ROBO2: variants seen among roughly 807,000 people sequenced by gnomAD.
ROBO2 encodes roundabout homolog 2.
Under a neutral mutation model 160.8 loss-of-function variants are expected in ROBO2, and 53 were observed. That is an observed-to-expected ratio of 0.33 (90% CI 0.26 to 0.41). ROBO2 has a LOEUF of 0.41. ROBO2 is among the 10% of genes least tolerant of loss of function. The pLI, the probability that ROBO2 is intolerant of heterozygous loss-of-function variation, is 1.00. For synonymous variants in ROBO2, 664 were observed against 611.7 expected, an observed-to-expected ratio of 1.09 and a Z score of -1.26; for missense variants, 1,577 against 1,722.4, an observed-to-expected ratio of 0.92 and a Z score of 1.49.
At chr3:76,120,707 G>A (rs2070715719) in intron 2 of ROBO2, among the ~76,000 whole-genome samples, 1 of 152,134 alleles carries the variant, frequency 6.6e-6, no homozygotes, top group African/African-American at 2.4e-5. Flanking sequence ...CTATTATTCA[G>A]TAATGCAATT....
intron 2 of ROBO2, among the ~76,000 whole-genome samples, chr3:76,385,654 TCA>T (rs927588828): frequency 2.0e-5 from 3 of 152,222 alleles, no homozygotes; most frequent in African/African-American, 7.2e-5. Flanking sequence ...GCTCTGAAAA[TCA>T]CACAGTCCAC....
intron 2 of ROBO2, among the ~76,000 whole-genome samples, chr3:76,555,424 G>GA (rs762888617): frequency 0.038 from 2,806 of 73,762 alleles, 198 homozygotes; most frequent in East Asian, 0.051. Context: ...GAAGAAAGAA[G>GA]GAGAAGGGGA....
chr3:77,648,890 G>T (rs1559804934), exon 26 of ROBO2: 1 of 152,160 alleles, frequency 6.6e-6, no homozygotes, highest in Non-Finnish European at 1.5e-5. Flanking sequence ...AGGAAATCTG[G>T]GTGGGAGAGA....
intron 2 of ROBO2, among the ~76,000 whole-genome samples, chr3:76,693,660 C>G (rs553352147): frequency 6.6e-6 from 1 of 151,980 alleles, no homozygotes; most frequent in Non-Finnish European, 1.5e-5. Flanking sequence ...AGGAGTTGAT[C>G]GTGTATCTCT....
intron 2 of ROBO2, among the ~76,000 whole-genome samples, chr3:77,313,770 G>T (rs2063739740): frequency 6.6e-6 from 1 of 152,092 alleles, no homozygotes; most frequent in Non-Finnish European, 1.5e-5. Context: ...TTTTAGTAGA[G>T]ATGGGGTTTC....
At chr3:76,145,127 T>C (rs2071836519) in intron 2 of ROBO2, among the ~76,000 whole-genome samples, 1 of 151,732 alleles carries the variant, frequency 6.6e-6, no homozygotes, top group Non-Finnish European at 1.5e-5. Context: ...CGCTTTGAAA[T>C]CACAAGGTTT....
At chr3:77,216,403 C>T (rs2084955435) in intron 2 of ROBO2, among the ~76,000 whole-genome samples, 1 of 152,160 alleles carries the variant, frequency 6.6e-6, no homozygotes, top group Non-Finnish European at 1.5e-5. Context: ...TCCTGGTGCG[C>T]CGTTTACTAA....
chr3:76,829,308 T>C (rs958903466), intron 2 of ROBO2, among the ~76,000 whole-genome samples: 4 of 152,180 alleles, frequency 2.6e-5, no homozygotes, highest in African/African-American at 9.6e-5. Context: ...TTTTCATGTT[T>C]CATGTTAGTT....
intron 2 of ROBO2, among the ~76,000 whole-genome samples, chr3:76,568,614 T>C (rs540338101): frequency 2.0e-5 from 3 of 152,188 alleles, no homozygotes; most frequent in Non-Finnish European, 2.9e-5. Flanking sequence ...CCACATTGCT[T>C]TTCTTAAAGA....
chr3:77,527,381 C>T, intron 6 of ROBO2, 22 bp from the exon 7 acceptor site: 1 of 1,286,490 alleles, frequency 7.8e-7, no homozygotes, highest in Non-Finnish European at 1.0e-6. Flanking sequence ...ATGTTCTCAC[C>T]ACACCATTGT....
chr3:76,709,092 GCTCT>G (rs1490840568), intron 2 of ROBO2, among the ~76,000 whole-genome samples: 2 of 152,138 alleles, frequency 1.3e-5, no homozygotes, highest in African/African-American at 4.8e-5. Flanking sequence ...CTAAATCTGA[GCTCT>G]CTATGAAGTA....
intron 1 of ROBO2, among the ~76,000 whole-genome samples, chr3:77,071,723 C>T (rs957108775): frequency 6.6e-6 from 1 of 152,114 alleles, no homozygotes; most frequent in Admixed American, 6.6e-5. Context: ...TCTTTCTAGG[C>T]CATTTAAAAC....
At chr3:76,907,823 G>GTGTGTGTGTGTGTGTGTGT (rs2075705102) in intron 2 of ROBO2, among the ~76,000 whole-genome samples, 11 of 145,524 alleles carry the variant, frequency 7.6e-5, no homozygotes, top group African/African-American at 2.1e-4. Context: ...GTTTGTTTGG[G>GTGTGTGTGTGTGTGTGTGT]GTGTGTGTGT....
At chr3:76,404,964 G>T (rs2078045955) in intron 2 of ROBO2, among the ~76,000 whole-genome samples, 1 of 151,564 alleles carries the variant, frequency 6.6e-6, no homozygotes, top group African/African-American at 2.4e-5. Flanking sequence ...AGTTGACATA[G>T]AATTAAAAAT....
In ROBO2 at chr3:77,174,538, G is replaced by A. The variant is rs115468817; in HGVS notation, c.388+76198G>A. ...CCATCTTTGTCTTTCTGTCTTAGCAGGTAACTTTAACCTAAATTTCCTGAA... is the reference window on the plus strand; with the variant it reads ...CCATCTTTGTCTTTCTGTCTTAGCAAGTAACTTTAACCTAAATTTCCTGAA... On this transcript the variant is annotated intron_variant, in intron 2 of 25. Transcript: ENST00000461745. Among the ~76,000 whole-genome samples the A allele has an allele frequency of 7.7e-3, 1,168 of 151,962 alleles. 17 individuals carry two copies. Among genetic ancestry groups the A allele is most frequent in the African/African-American group, 0.027 (1,113 of 41,480 alleles).
At chr3:77,431,383 A>G (rs1356289920) in intron 2 of ROBO2, among the ~76,000 whole-genome samples, 1 of 152,252 alleles carries the variant, frequency 6.6e-6, no homozygotes, top group Non-Finnish European at 1.5e-5. Flanking sequence ...ATTTATGAAG[A>G]AGCAAATACT....
intron 2 of ROBO2, among the ~76,000 whole-genome samples, chr3:76,016,708 A>T (rs1026877342): frequency 6.6e-6 from 1 of 152,160 alleles, no homozygotes; most frequent in Non-Finnish European, 1.5e-5. Flanking sequence ...GAAAGATAGT[A>T]AATAATTGAA....
chr3:76,022,341 A>G (rs914324797), intron 2 of ROBO2, among the ~76,000 whole-genome samples: 3 of 151,788 alleles, frequency 2.0e-5, no homozygotes, highest in Non-Finnish European at 4.4e-5. Flanking sequence ...AAGAATCACA[A>G]ATGTCCTTAG....
chr3:76,420,137 T>C (rs2075930122), intron 2 of ROBO2, among the ~76,000 whole-genome samples: 1 of 152,194 alleles, frequency 6.6e-6, no homozygotes, highest in Non-Finnish European at 1.5e-5. Flanking sequence ...TATCACCCAC[T>C]TATTATTTGG....
Sources: allele counts gnomAD v4.1 joint callset (sites outside exome capture counted in the v4.1 genomes callset), GRCh38; gene constraint gnomAD v4.1.1; transcripts MANE v1.5; gene names NCBI Gene and HGNC (gene_info 2026-07-23, HGNC 2026-07-21).